The following IGF2R variants were observed in gnomAD, a reference collection of about 807,000 sequenced individuals.
The protein encoded by IGF2R is insulin like growth factor 2 receptor, also known as cation-independent mannose-6-phosphate receptor.
Under a neutral mutation model 270.6 loss-of-function variants are expected in IGF2R, and 91 were observed. The observed-to-expected ratio is 0.34, with a 90% CI of 0.28 to 0.40. The LOEUF is 0.40. Among genes scored for constraint, IGF2R ranks in the 10% least tolerant of loss-of-function variants. The pLI is 1.00. For synonymous variants in IGF2R, 1,316 were observed against 1,258.9 expected, an observed-to-expected ratio of 1.05 and a Z score of -0.96; for missense variants, 2,805 against 3,188.3, an observed-to-expected ratio of 0.88 and a Z score of 2.90.
chr6:160,010,069 A>C (rs1390808824), intron 3 of IGF2R, among the ~76,000 whole-genome samples: 3 of 152,222 alleles, frequency 2.0e-5, no homozygotes, highest in Non-Finnish European at 4.4e-5. Flanking sequence ...ACTTCAGCTA[A>C]TTTCCTTTAT....
In IGF2R at chr6:160,052,446, A is replaced by G. The variant is rs983881959; in HGVS notation, c.2694+1794A>G. On this transcript the variant is annotated intron_variant, in intron 19 of 47. Transcript: ENST00000356956. Reference sequence around the variant, plus strand: ...AGGAAATAAAAGAGGACACAAACAAATGGAAGAATATTCCATGCTCATGGA... The same window carrying G: ...AGGAAATAAAAGAGGACACAAACAAGTGGAAGAATATTCCATGCTCATGGA... Among the ~76,000 whole-genome samples, 7 of 152,338 alleles carry G rather than the reference A, an allele frequency of 4.6e-5. No individual in the cohort carries two copies. The South Asian group carries it at 8.3e-4, about 18-fold the overall frequency.
Position 160,004,567 on chromosome 6 carries a change from AGT to A in IGF2R, c.290-4440_290-4439del, listed in dbSNP as rs1197843521. The A allele has an allele frequency of 6.5e-6, 1 of 153,550 alleles. No homozygotes were observed. Among genetic ancestry groups the A allele is most frequent in the Admixed American group, 6.6e-5 (1 of 15,250 alleles). 9.5% of individuals were successfully genotyped at this position (153,550 alleles called of 1,614,324 possible). ...CCTGTTTTTCCGGGTGGGTCTAGTG[AGT>A]GTAGCTTGGAGTGCTGGGTGGTGTG... On this transcript the variant is annotated intron_variant, in intron 2 of 47. Transcript: ENST00000356956. The surrounding 1 kb of genome is among the most constrained non-coding windows in gnomAD (Gnocchi z 5.2).
rs183390143 is a variant in IGF2R, at chr6:160,044,174, A to G, written c.1622-340A>G. ...GCTGAAGCCCTGACAGTAGGGGACA[A>G]TGTCAGTTTACAGTTGGTGCTGATG... is the stretch of plus-strand genomic sequence containing the variant. On this transcript the variant is annotated intron_variant, in intron 12 of 47. Coordinates refer to ENST00000356956, the MANE Select transcript of IGF2R (RefSeq NM_000876.4). Among the ~76,000 whole-genome samples, 142 of 152,336 alleles carry G rather than the reference A, an allele frequency of 9.3e-4. 1 individual carries two copies. The highest frequency in any genetic ancestry group is 1.7e-3 in the Non-Finnish European group (113 of 68,028).
rs894395612 is a variant in IGF2R, at chr6:160,102,965, G to T, written c.6995+294G>T. Among the ~76,000 whole-genome samples, 2 of 152,148 alleles carry T rather than the reference G, an allele frequency of 1.3e-5. No individual in the cohort carries two copies. The highest frequency in any genetic ancestry group is 2.9e-5 in the Non-Finnish European group (2 of 68,026). ...GAACATTAAACGGCACCTTTCATGGGTGCCTTTTCCCACTGAGCAGCTGAC... is the reference window on the plus strand; with the variant it reads ...GAACATTAAACGGCACCTTTCATGGTTGCCTTTTCCCACTGAGCAGCTGAC... On this transcript the variant is annotated intron_variant, in intron 46 of 47. Transcript: ENST00000356956. This position sits in a 1 kb window ranked among gnomAD's most constrained non-coding sequence, Gnocchi z 4.5.
Position 160,085,075 on chromosome 6 carries a change from C to T in IGF2R, c.6149C>T (p.Thr2050Ile), listed in dbSNP as rs763832100. The T allele has an allele frequency of 2.5e-6, 4 of 1,614,084 alleles. No homozygotes were observed. The Admixed American group carries it at 5.0e-5, about 20-fold the overall frequency. ...AGGGCCAGCATTTGCAGAAGGACCA[C>T]AACTGGTGACGTCCAGGTCCTGGGA... The part of the protein sequence containing the change: ...SERASICRRT[T>I]TGDVQVLGLV... Residue 2050 changes from threonine (T) to isoleucine (I), a missense_variant, in exon 41 of 48, where the codon ACA (threonine) becomes ATA (isoleucine). Thr to Ile is a moderately conservative substitution (Grantham distance 89). Transcript: ENST00000356956.
intron 30 of IGF2R, among the ~76,000 whole-genome samples, chr6:160,069,591 G>A (rs1778669612): frequency 6.6e-6 from 1 of 152,136 alleles, no homozygotes; most frequent in Admixed American, 6.6e-5. Context: ...TCCTATATGG[G>A]GTTCAGAAAG....
intron 1 of IGF2R, among the ~76,000 whole-genome samples, chr6:159,986,579 C>A (rs1200413727): frequency 1.3e-5 from 2 of 151,978 alleles, no homozygotes; most frequent in African/African-American, 4.8e-5. Context: ...GAAGTTCTTT[C>A]TTTCAGAAAA....
intron 10 of IGF2R, among the ~76,000 whole-genome samples, chr6:160,038,553 C>T (rs941478027): frequency 1.3e-5 from 2 of 152,228 alleles, no homozygotes; most frequent in Admixed American, 1.3e-4. Flanking sequence ...TTTTTCTTCA[C>T]GTTTGCAGAA....
At position 159,973,197 on chromosome 6, in the gene IGF2R, A is replaced by G. The variant is rs139582698; in HGVS notation, c.149+3802A>G. Among the ~76,000 whole-genome samples, 5 of 152,140 alleles carry G rather than the reference A, an allele frequency of 3.3e-5. No individual in the cohort carries two copies. In the South Asian group the frequency reaches 1.0e-3, roughly 31 times the overall value. On this transcript the variant is annotated intron_variant, in intron 1 of 47. Coordinates refer to ENST00000356956, the MANE Select transcript of IGF2R (RefSeq NM_000876.4). ...GGCCAGGCCATGCAAAACCAACAAC[A>G]GTGTCTAAAGTGATCTCAGCTTGTC...
At chr6:159,980,236 A>AAAGAAAGAAGAAAGAAAGG (rs1554234699) in intron 1 of IGF2R, among the ~76,000 whole-genome samples, 2 of 136,080 alleles carry the variant, frequency 1.5e-5, no homozygotes, top group Non-Finnish European at 3.1e-5. Context: ...AGAAAGAAAG[A>AAAGAAAGAAGAAAGAAAGG]AAGGTACATG....
rs199635778 is a variant in IGF2R, at chr6:160,040,654, G to A, written c.1410G>A (p.Lys470=). 1.5e-5 allele frequency: 25 copies of A among 1,614,254 alleles called. No homozygotes were observed. The highest frequency in any genetic ancestry group is 2.1e-5 in the Non-Finnish European group (25 of 1,180,038). Residue 470 remains lysine (K), a synonymous_variant, in exon 11 of 48, where the codon AAG becomes AAA. Transcript: ENST00000356956. ...CGGAATACGCCTGTGTTAAGGAGAA[G>A]GAAGACCTCCTCTGCGGTGCCACCG... ...WDTEYACVKE[K]EDLLCGATDG...
rs1779056273 is a variant in IGF2R at position 160,084,534 on chromosome 6, T to C, written c.6068+350T>C. On this transcript the variant is annotated intron_variant, in intron 40 of 47. Coordinates refer to ENST00000356956, the MANE Select transcript of IGF2R (RefSeq NM_000876.4). This position sits in a 1 kb window ranked among gnomAD's most constrained non-coding sequence, Gnocchi z 4.6. ...TCTCGGGTCTTTGGCAGGAGCTCCT[T>C]AGGCTTTGCTGGCTGGGGTCAGCCC... Among the ~76,000 whole-genome samples the C allele has an allele frequency of 6.6e-6, 1 of 152,174 alleles. No homozygotes were observed. Among genetic ancestry groups the C allele is most frequent in the South Asian group, 2.1e-4 (1 of 4,830 alleles).
intron 4 of IGF2R, among the ~76,000 whole-genome samples, chr6:160,013,410 TAAAAAAAAA>T (rs34643864): frequency 2.3e-5 from 2 of 87,728 alleles, no homozygotes; most frequent in Non-Finnish European, 2.3e-5. Context: ...TGGTTCTTTG[TAAAAAAAAA>T]AAAAAAAAAA....
intron 10 of IGF2R, among the ~76,000 whole-genome samples, chr6:160,036,416 GACCTTGGTTCTGGCTCCCAGGTC>G (rs2115237220): frequency 6.6e-6 from 1 of 152,126 alleles, no homozygotes; most frequent in East Asian, 1.9e-4. Flanking sequence ...TCTGATGCCT[GACCTTGGTTCTGGCTCCCAGGTC>G]ACCCCAACTG....
intron 2 of IGF2R, 78 bp downstream of exon 2, chr6:159,991,401 C>G: frequency 7.6e-6 from 9 of 1,180,564 alleles, no homozygotes; most frequent in Non-Finnish European, 9.6e-6. Context: ...TATAGCTATA[C>G]GTATATAGCG....
chr6:160,044,454 TTG>T (rs1323245813), intron 12 of IGF2R, 58 bp from the exon 13 acceptor site: 7 of 1,316,488 alleles, frequency 5.3e-6, no homozygotes, highest in South Asian at 2.6e-5. Flanking sequence ...AGTCACTTCT[TTG>T]TCTGCGTGAT....
chr6:160,103,034 G>A (rs1244937360), intron 46 of IGF2R, among the ~76,000 whole-genome samples: 3 of 152,076 alleles, frequency 2.0e-5, no homozygotes, highest in African/African-American at 4.8e-5. Context: ...TTTATTAAGC[G>A]CCTGCTATGT....
chr6:160,096,849 C>T (rs1477094398), intron 45 of IGF2R, among the ~76,000 whole-genome samples: 3 of 152,156 alleles, frequency 2.0e-5, no homozygotes, highest in Admixed American at 2.0e-4. Context: ...CCTCCCACCA[C>T]CCCCAGCAGC....
chr6:160,022,988 C>T (rs370785975), intron 4 of IGF2R, among the ~76,000 whole-genome samples: 12 of 152,086 alleles, frequency 7.9e-5, no homozygotes, highest in African/African-American at 2.4e-4. Context: ...TAGGTTAGGG[C>T]GGTGTCATGA....
Sources: allele counts gnomAD v4.1 joint callset (sites outside exome capture counted in the v4.1 genomes callset), GRCh38; gene constraint gnomAD v4.1.1; non-coding constraint Gnocchi (gnomAD v3.1); transcripts MANE v1.5; gene names NCBI Gene and HGNC (gene_info 2026-07-23, HGNC 2026-07-21).